The following LRRC75B variants were observed in gnomAD, a reference collection of about 807,000 sequenced individuals.
The protein encoded by LRRC75B is leucine rich repeat containing 75B.
In LRRC75B, 20 loss-of-function variants were observed where a neutral mutation model predicts 16.5. The ratio of observed to expected loss-of-function variants is 1.21; its 90% confidence interval spans 0.85 to 1.76. LRRC75B has a LOEUF of 1.76. Ranked by LOEUF, LRRC75B falls within the 40% of genes most tolerant of loss-of-function variation. The pLI is 0.00. For missense variants in LRRC75B, 406 were observed against 417.0 expected, an observed-to-expected ratio of 0.97 and a Z score of 0.23; for synonymous variants, 199 against 198.1, an observed-to-expected ratio of 1.00 and a Z score of -0.04.
Position 24,585,896 on chromosome 22 carries a change from C to T in LRRC75B, c.938G>A (p.Cys313Tyr). 1.3e-6 allele frequency: 2 copies of T among 1,588,778 alleles called. No individual in the cohort carries two copies. The highest frequency in any genetic ancestry group is 1.7e-6 in the Non-Finnish European group (2 of 1,169,252). The change falls in exon 4 of 4, where the codon TGT (cysteine) becomes TAT (tyrosine). Residue 313 changes from cysteine to tyrosine, a missense_variant. Transcript: ENST00000318753. ...AGLGPEPQAC[C>Y]AR ...CAGGTGGGTGGTGGGTCACCTGGCA[C>T]AGCAGGCCTGGGGCTCGGGTCCCAG... is the stretch of plus-strand genomic sequence containing the variant.
At chr22:24,592,650 C>A in intron 1 of LRRC75B, 2 of 779,422 alleles carry the variant, frequency 2.6e-6, no homozygotes, top group Non-Finnish European at 3.7e-6. Flanking sequence ...TCACCCAGCC[C>A]TCACTCCAGG....
chr22:24,592,692 G>A, intron 1 of LRRC75B, 171 bp downstream of exon 1: 1 of 1,198,310 alleles, frequency 8.3e-7, no homozygotes, highest in Non-Finnish European at 1.1e-6. Flanking sequence ...AAGACCCCGC[G>A]TGCTGCAGCC....
At chr22:24,588,764 A>T (rs2045479386) in intron 2 of LRRC75B, 1 of 1,029,746 alleles carries the variant, frequency 9.7e-7, no homozygotes, top group East Asian at 8.3e-5. Context: ...AAGCCAGGTC[A>T]GCGTGTTCTT....
chr22:24,589,881 G>T lies in LRRC75B; in HGVS notation c.246C>A (p.Val82=). The T allele has an allele frequency of 6.2e-7, 1 of 1,613,810 alleles. No homozygotes were observed. The highest frequency in any genetic ancestry group is 1.1e-5 in the South Asian group (1 of 90,982). ...CAAGCAGGTCATGGGAGATGGGGTC[G>T]ACCGGGTTGAGGAAGGCCACATCTC... ...LYRDVAFLNP[V]DPISHDLLVN... is the part of the protein sequence containing the mutation. Residue 82 remains valine, a synonymous_variant, in exon 2 of 4, where the codon GTC becomes GTA. Coordinates refer to ENST00000318753, the MANE Select transcript of LRRC75B (RefSeq NM_207644.3).
chr22:24,588,963 A>T, intron 2 of LRRC75B: 1 of 1,009,056 alleles, frequency 9.9e-7, no homozygotes, highest in Non-Finnish European at 1.2e-6. Flanking sequence ...AGCATGCTCC[A>T]CTGCATCCTT....
chr22:24,591,474 G>A (rs2045565430), intron 1 of LRRC75B, among the ~76,000 whole-genome samples: 1 of 152,188 alleles, frequency 6.6e-6, no homozygotes, highest in African/African-American at 2.4e-5. Context: ...CAATCCATAG[G>A]TGATATGCTC....
chr22:24,591,150 G>A (rs1045285050), intron 1 of LRRC75B, among the ~76,000 whole-genome samples: 2 of 152,246 alleles, frequency 1.3e-5, no homozygotes, highest in Non-Finnish European at 2.9e-5. Context: ...TGCGAGGTCA[G>A]CTCACCGCAA....
chr22:24,589,985 T>A, intron 1 of LRRC75B, 36 bp from the exon 2 acceptor site: 1 of 1,533,674 alleles, frequency 6.5e-7, no homozygotes, highest in Non-Finnish European at 8.8e-7. Context: ...GTGAGCCCGT[T>A]GGGTCTCCCA....
chr22:24,589,764 G>T, intron 2 of LRRC75B, 57 bp downstream of exon 2: 1 of 1,517,656 alleles, frequency 6.6e-7, no homozygotes, highest in Non-Finnish European at 8.7e-7. Flanking sequence ...CCTGGGCTCT[G>T]TTGGCCCCCC....
intron 3 of LRRC75B, among the ~76,000 whole-genome samples, chr22:24,587,440 C>T (rs2147153175): frequency 6.6e-6 from 1 of 152,342 alleles, no homozygotes; most frequent in South Asian, 2.1e-4. Context: ...AGCACACCCT[C>T]AGGACCCCCA....
chr22:24,586,567 T>C (rs1305933492), intron 3 of LRRC75B, among the ~76,000 whole-genome samples, 156 bp from the exon 4 acceptor site: 4 of 152,262 alleles, frequency 2.6e-5, no homozygotes, highest in African/African-American at 4.8e-5. Context: ...GTTTCGCTCT[T>C]TTTGTCCAGG....
chr22:24,592,814 C>CG, intron 1 of LRRC75B, 49 bp downstream of exon 1: 1 of 1,268,368 alleles, frequency 7.9e-7, no homozygotes, highest in Non-Finnish European at 1.0e-6. Flanking sequence ...CCCAGACCCC[C>CG]AGACCCTCCC....
Position 24,587,313 on chromosome 22 carries a change from A to G in LRRC75B, c.422+901T>C, listed in dbSNP as rs16978741. ...GGGCTCCCCGTGTTTTCTCAGTTAG[A>G]AGGGAAGTTCAGAGACTGAGAAGGA... On this transcript the variant is annotated intron_variant, in intron 3 of 3. Coordinates refer to ENST00000318753, the MANE Select transcript of LRRC75B (RefSeq NM_207644.3). 9.4e-3 allele frequency among the ~76,000 whole-genome samples: 1,435 copies of G among 152,210 alleles called. 23 individuals carry two copies. The highest frequency in any genetic ancestry group is 0.033 in the African/African-American group (1,364 of 41,522).
chr22:24,589,410 G>C, intron 2 of LRRC75B: 1 of 1,047,254 alleles, frequency 9.5e-7, no homozygotes. Context: ...ACAGACGGGG[G>C]CTCTAGCCGA....
intron 3 of LRRC75B, among the ~76,000 whole-genome samples, chr22:24,587,272 G>A (rs959030283): frequency 2.0e-5 from 3 of 152,198 alleles, no homozygotes; most frequent in African/African-American, 7.2e-5. Context: ...GCAGGCTGGG[G>A]GCCGGCCATG....
At chr22:24,589,143 G>C in intron 2 of LRRC75B, 1 of 1,141,014 alleles carries the variant, frequency 8.8e-7, no homozygotes, top group Non-Finnish European at 1.1e-6. Context: ...CCTGGTTTTG[G>C]TTGGGGACTC....
At chr22:24,586,528 A>G in intron 3 of LRRC75B, 117 bp from the exon 4 acceptor site, 1 of 1,099,840 alleles carries the variant, frequency 9.1e-7, no homozygotes. Context: ...CCAGATTCAA[A>G]CTGTGTCTTT....
In LRRC75B at chr22:24,592,860, C is replaced by T; in HGVS notation, c.177+3G>A. On this transcript the variant is annotated splice_donor_region_variant and intron_variant, in intron 1 of 3. Coordinates refer to ENST00000318753, the MANE Select transcript of LRRC75B (RefSeq NM_207644.3). ...CCCAGGGGCGGACGGCTCCTTCTCT[C>T]GCCTGGCGCAGGAGGCGCAGCAGCT... The T allele has an allele frequency of 7.8e-7, 1 of 1,280,652 alleles. No individual in the cohort carries two copies. 79.3% of individuals were successfully genotyped at this position (1,280,652 alleles called of 1,614,324 possible). A position where few individuals can be genotyped will look rare whatever the true frequency, so the allele number is the denominator to read the frequency against.
intron 3 of LRRC75B, among the ~76,000 whole-genome samples, chr22:24,587,305 T>C (rs1314801551): frequency 6.6e-6 from 1 of 152,112 alleles, no homozygotes; most frequent in African/African-American, 2.4e-5. Context: ...CCGTGTTTTC[T>C]CAGTTAGAAG....
Sources: gnomAD v4.1 joint callset for allele counts (sites outside exome capture counted in the v4.1 genomes callset) on GRCh38, gnomAD v4.1.1 for gene constraint, MANE v1.5 for transcripts, NCBI Gene and HGNC (gene_info 2026-07-23, HGNC 2026-07-21) for gene names.